The following KCNN3 variants were observed in gnomAD, a reference collection of about 807,000 sequenced individuals.
KCNN3 encodes small conductance calcium-activated potassium channel protein 3.
In KCNN3, 16 loss-of-function variants were observed where a neutral mutation model predicts 62.9. The observed-to-expected ratio is 0.25, with a 90% confidence interval of 0.17 to 0.39. The LOEUF (loss-of-function observed/expected upper bound fraction) is 0.39, where lower values mean the gene tolerates loss of function less well. Ranked by LOEUF, KCNN3 falls within the 10% of genes least tolerant of loss-of-function variation. The pLI, the probability that KCNN3 is intolerant of heterozygous loss-of-function variation, is 1.00. For missense variants in KCNN3, 599 were observed against 949.4 expected (o/e 0.63, Z 4.85); for synonymous variants, 370 against 389.2 (o/e 0.95, Z 0.58).
At chr1:154,797,518 C>T (rs911848327) in intron 2 of KCNN3, among the ~76,000 whole-genome samples, 2 of 152,200 alleles carry the variant, frequency 1.3e-5, no homozygotes, top group African/African-American at 4.8e-5. Flanking sequence ...TCCATGACCC[C>T]CCATCACTGC....
intron 6 of KCNN3, among the ~76,000 whole-genome samples, chr1:154,714,589 GGTGT>G (rs1700189295): frequency 1.3e-5 from 1 of 79,204 alleles, no homozygotes; most frequent in South Asian, 5.7e-4. Flanking sequence ...TGGTGTGTAT[GGTGT>G]GTGTGATGTG....
chr1:154,818,416 C>T (rs2101891177), intron 2 of KCNN3, among the ~76,000 whole-genome samples: 1 of 152,342 alleles, frequency 6.6e-6, no homozygotes, highest in South Asian at 2.1e-4. Context: ...CAGTAGCACA[C>T]ACAGAGGCCC....
At chr1:154,867,925 A>G (rs1558014322) in intron 1 of KCNN3, 3 of 984,698 alleles carry the variant, frequency 3.0e-6, no homozygotes, top group Non-Finnish European at 2.4e-6. Flanking sequence ...CTCCCCGGCA[A>G]GCAGAGCATC....
At chr1:154,841,908 A>G (rs1282434881) in intron 1 of KCNN3, among the ~76,000 whole-genome samples, 1 of 152,196 alleles carries the variant, frequency 6.6e-6, no homozygotes, top group Admixed American at 6.5e-5. Context: ...TTCTCTCCAG[A>G]GCAAAGCCTT....
At chr1:154,743,163 C>T (rs12128860) in intron 3 of KCNN3, among the ~76,000 whole-genome samples, 73,544 of 150,462 alleles carry the variant, frequency 0.49, 18,605 homozygotes, top group East Asian at 0.78. Context: ...GCCCCATCCT[C>T]TCACCTGGAC....
intron 1 of KCNN3, among the ~76,000 whole-genome samples, chr1:154,860,430 G>A (rs934098837): frequency 2.6e-5 from 4 of 152,072 alleles, no homozygotes; most frequent in Non-Finnish European, 2.9e-5. Context: ...CCACCTGTCC[G>A]ATTTGCATGT....
At chr1:154,837,104 CT>C (rs34935250) in intron 1 of KCNN3, among the ~76,000 whole-genome samples, 196 of 144,370 alleles carry the variant, frequency 1.4e-3, no homozygotes, top group Middle Eastern at 3.5e-3. Flanking sequence ...TTGTTTAAGC[CT>C]TTTTTTTTTT....
At chr1:154,734,380 C>T (rs1700665151) in intron 3 of KCNN3, among the ~76,000 whole-genome samples, 1 of 152,192 alleles carries the variant, frequency 6.6e-6, no homozygotes, top group South Asian at 2.1e-4. Context: ...CTGGATAGAG[C>T]AGAAAAGCCA....
Position 154,713,527 on chromosome 1 carries a change from C to T in KCNN3, c.1836G>A (p.Arg612=). Residue 612 remains arginine (R), a synonymous_variant, in exon 7 of 8, where the codon AGG becomes AGA. Coordinates refer to ENST00000271915, the MANE Select transcript of KCNN3 (RefSeq NM_002249.6). ...RKFLQAIHQL[R]SVKMEQRKLS... ...GCTTCCTCTGTTCCATCTTGACGCT[C>T]CTCAACCTGTGGGGAAGAATGGTAA... The T allele has an allele frequency of 5.0e-6, 8 of 1,613,724 alleles. No individual in the cohort carries two copies. Among genetic ancestry groups the T allele is most frequent in the Non-Finnish European group, 6.8e-6 (8 of 1,179,758 alleles).
chr1:154,756,284 A>G (rs1197032412), intron 3 of KCNN3, among the ~76,000 whole-genome samples: 1 of 150,178 alleles, frequency 6.7e-6, no homozygotes, highest in Non-Finnish European at 1.5e-5. Context: ...ACGACGATGA[A>G]AAGGAGGAGG....
rs1034062277 is a variant in KCNN3, at chr1:154,857,026, A to C, written c.933+12006T>G. Among the ~76,000 whole-genome samples, 8 of 152,090 alleles carry C rather than the reference A, an allele frequency of 5.3e-5. No individual in the cohort carries two copies. The East Asian group carries it at 1.5e-3, about 29-fold the overall frequency. On this transcript the variant is annotated intron_variant, in intron 1 of 7. Coordinates refer to ENST00000271915, the MANE Select transcript of KCNN3 (RefSeq NM_002249.6). ...ATGTGTGTGCCCTTGTCTCTCGCAAAGCTCACATCAGACCTGTTGTTACTT... is the reference window on the plus strand; with the variant it reads ...ATGTGTGTGCCCTTGTCTCTCGCAACGCTCACATCAGACCTGTTGTTACTT...
At chr1:154,826,536 C>T (rs977729348) in intron 1 of KCNN3, among the ~76,000 whole-genome samples, 3 of 119,024 alleles carry the variant, frequency 2.5e-5, no homozygotes, top group Admixed American at 7.7e-5. Context: ...GATCTGTCTG[C>T]CTCCAGGTTC....
intron 1 of KCNN3, among the ~76,000 whole-genome samples, chr1:154,861,668 C>T (rs1652777888): frequency 6.6e-6 from 1 of 152,196 alleles, no homozygotes; most frequent in Admixed American, 6.5e-5. Flanking sequence ...TCACTGTCTC[C>T]TTCCTCAGTC....
At chr1:154,722,474 G>A (rs1019185410) in intron 5 of KCNN3, among the ~76,000 whole-genome samples, 3 of 145,184 alleles carry the variant, frequency 2.1e-5, no homozygotes, top group African/African-American at 5.2e-5. Flanking sequence ...TGCAACTTTC[G>A]CCTCCCAGGT....
At chr1:154,748,330 G>A (rs370600753) in intron 3 of KCNN3, among the ~76,000 whole-genome samples, 2 of 152,134 alleles carry the variant, frequency 1.3e-5, no homozygotes, top group Non-Finnish European at 2.9e-5. Flanking sequence ...AGCCTTTCCC[G>A]ACATCTGCCA....
At chr1:154,717,449 G>A (rs138099954) in intron 5 of KCNN3, among the ~76,000 whole-genome samples, 2 of 152,248 alleles carry the variant, frequency 1.3e-5, no homozygotes, top group Non-Finnish European at 2.9e-5. Flanking sequence ...CAAAACAAGA[G>A]CCACGTCCAG....
chr1:154,864,129 G>T (rs1358139940), intron 1 of KCNN3, among the ~76,000 whole-genome samples: 1 of 152,202 alleles, frequency 6.6e-6, no homozygotes, highest in Non-Finnish European at 1.5e-5. Flanking sequence ...TCGGCAGTGG[G>T]CTCGCAGGCT....
Position 154,755,662 on chromosome 1 carries a change from AG to A in KCNN3, c.1448+16312del, listed in dbSNP as rs1302363303. Among the ~76,000 whole-genome samples, 5 of 150,410 alleles carry A rather than the reference AG, an allele frequency of 3.3e-5. No homozygotes were observed. The East Asian group carries it at 5.9e-4, about 18-fold the overall frequency. On this transcript the variant is annotated intron_variant, in intron 3 of 7. Transcript: ENST00000271915. Reference sequence around the variant, plus strand: ...AAAGAAAGAAAGAAGAAAGGAAGGAAGGAAGAAAGAGGGAGAGAGGGAGAAG... The same window carrying A: ...AAAGAAAGAAAGAAGAAAGGAAGGAAGAAGAAAGAGGGAGAGAGGGAGAAG...
intron 3 of KCNN3, among the ~76,000 whole-genome samples, chr1:154,748,658 T>A (rs367698638): frequency 6.6e-6 from 1 of 152,214 alleles, no homozygotes; most frequent in South Asian, 2.1e-4. Context: ...TCACTTCCTA[T>A]TTTACTGAAT....
Sources: allele counts gnomAD v4.1 joint callset (sites outside exome capture counted in the v4.1 genomes callset), GRCh38; gene constraint gnomAD v4.1.1; transcripts MANE v1.5; gene names NCBI Gene and HGNC (gene_info 2026-07-23, HGNC 2026-07-21).